The following SGCZ variants were observed in gnomAD, a reference collection of about 807,000 sequenced individuals.
The protein encoded by SGCZ is sarcoglycan zeta, also known as zeta-sarcoglycan.
SGCZ carries 40 observed loss-of-function variants against 41.3 expected under a neutral mutation model. The ratio of observed to expected loss-of-function variants is 0.97; its 90% CI spans 0.75 to 1.26. SGCZ has a LOEUF of 1.26. SGCZ is among the 50% of genes most tolerant of loss of function. The pLI is 0.00. For synonymous variants in SGCZ, 206 were observed against 137.5 expected (o/e 1.50, Z -3.49); for missense variants, 552 against 369.8 (o/e 1.49, Z -4.04).
In SGCZ at chr8:14,405,800, T is replaced by G. The variant is rs148510914; in HGVS notation, c.235-81596A>C. Among the ~76,000 whole-genome samples the G allele has an allele frequency of 3.9e-5, 6 of 152,290 alleles. No individual in the cohort carries two copies. The East Asian group carries it at 1.2e-3, about 29-fold the overall frequency. On this transcript the variant is annotated intron_variant, in intron 2 of 7. Transcript: ENST00000382080. The stretch of plus-strand genomic sequence containing the variant: ...TGGTTAAGTATTAAAGTTGGCAAAT[T>G]AGTTGTTTATAAATACATTAGAACA...
chr8:14,348,074 T>C (rs572836241), intron 2 of SGCZ, among the ~76,000 whole-genome samples: 10 of 152,162 alleles, frequency 6.6e-5, no homozygotes, highest in Admixed American at 6.6e-4. Flanking sequence ...GAGACCCAGC[T>C]GCAGACTTCT....
rs746578000 is a variant in SGCZ, at chr8:14,108,256, G to GCAGT, written c.548-25_548-22dup. On this transcript the variant is annotated intron_variant, in intron 5 of 7. Transcript: ENST00000382080. ...AGTGCCTGGGGGTAGCATGAATATAGCAGTCAGTATAAGCAAGTCCACACA... is the reference window on the plus strand; with the variant it reads ...AGTGCCTGGGGGTAGCATGAATATAGCAGTCAGTCAGTATAAGCAAGTCCACACA... 1.9e-6 allele frequency: 3 copies of GCAGT among 1,611,506 alleles called. No individual in the cohort carries two copies. In the African/African-American group the frequency reaches 4.0e-5, roughly 21 times the overall value.
At position 14,906,079 on chromosome 8, in the gene SGCZ, T is replaced by C. The variant is rs76314297; in HGVS notation, c.39+331506A>G. ...TTGATGCTGATATTGTGCCATTCAC[T>C]GAGATCGACAAAAGGCTGCGTATTT... is the stretch of plus-strand genomic sequence containing the variant. On this transcript the variant is annotated intron_variant, in intron 1 of 7. Transcript: ENST00000382080. Among the ~76,000 whole-genome samples, 49 of 152,232 alleles carry C rather than the reference T, an allele frequency of 3.2e-4. 1 individual carries two copies. The East Asian group carries it at 9.1e-3, about 28-fold the overall frequency.
intron 1 of SGCZ, among the ~76,000 whole-genome samples, chr8:14,820,115 A>G (rs1452632880): frequency 6.6e-6 from 1 of 152,046 alleles, no homozygotes; most frequent in Non-Finnish European, 1.5e-5. Context: ...ATTAGACCTA[A>G]CTATACATAG....
intron 1 of SGCZ, among the ~76,000 whole-genome samples, chr8:14,612,679 G>C (rs912259043): frequency 4.0e-5 from 6 of 151,104 alleles, no homozygotes; most frequent in African/African-American, 1.2e-4. Flanking sequence ...TTGTTTTTTT[G>C]TTTTGTTTTG....
intron 5 of SGCZ, among the ~76,000 whole-genome samples, chr8:14,152,569 A>C (rs1803743809): frequency 6.6e-6 from 1 of 152,196 alleles, no homozygotes; most frequent in African/African-American, 2.4e-5. Context: ...GATGTGAAGA[A>C]ATTGAATTCT....
At chr8:15,191,460 T>G (rs769540281) in intron 1 of SGCZ, among the ~76,000 whole-genome samples, 1 of 152,072 alleles carries the variant, frequency 6.6e-6, no homozygotes, top group Non-Finnish European at 1.5e-5. Flanking sequence ...AAATAGTATT[T>G]AACCCTGAAA....
At chr8:14,317,706 G>C (rs1037319056) in intron 3 of SGCZ, among the ~76,000 whole-genome samples, 3 of 151,910 alleles carry the variant, frequency 2.0e-5, no homozygotes, top group South Asian at 4.1e-4. Flanking sequence ...CAGGCTCCTA[G>C]ATAAGGGGAC....
At chr8:14,388,056 G>A (rs1444067342) in intron 2 of SGCZ, among the ~76,000 whole-genome samples, 2 of 152,056 alleles carry the variant, frequency 1.3e-5, no homozygotes, top group African/African-American at 4.8e-5. Flanking sequence ...TCTTTAGTAG[G>A]AGTAAGATAT....
chr8:14,973,736 A>G (rs1801375706), intron 1 of SGCZ, among the ~76,000 whole-genome samples: 1 of 152,180 alleles, frequency 6.6e-6, no homozygotes, highest in Non-Finnish European at 1.5e-5. Flanking sequence ...GACATTTGAT[A>G]AAGGGTATTT....
chr8:14,927,544 G>C (rs972561700), intron 1 of SGCZ, among the ~76,000 whole-genome samples: 5 of 131,694 alleles, frequency 3.8e-5, no homozygotes, highest in Non-Finnish European at 7.1e-5. Context: ...GGAAGAGGAA[G>C]AAAGAAGAGG....
chr8:14,873,382 G>T (rs1202804533), intron 1 of SGCZ, among the ~76,000 whole-genome samples: 1 of 151,976 alleles, frequency 6.6e-6, no homozygotes, highest in Non-Finnish European at 1.5e-5. Flanking sequence ...CAATTCTATG[G>T]AATTATAGAT....
intron 5 of SGCZ, among the ~76,000 whole-genome samples, chr8:14,114,049 A>T (rs1461469345): frequency 6.6e-6 from 1 of 152,016 alleles, no homozygotes; most frequent in African/African-American, 2.4e-5. Flanking sequence ...TTACTGGTAT[A>T]TATTTCTAAC....
chr8:14,350,080 T>C (rs376876996), intron 2 of SGCZ, among the ~76,000 whole-genome samples: 1 of 152,118 alleles, frequency 6.6e-6, no homozygotes, highest in Admixed American at 6.6e-5. Context: ...AAATGATTGA[T>C]AAAATCCCCT....
chr8:14,415,425 A>C (rs1799468165), intron 2 of SGCZ, among the ~76,000 whole-genome samples: 2 of 151,854 alleles, frequency 1.3e-5, no homozygotes, highest in African/African-American at 4.8e-5. Context: ...ACAAAAAGGG[A>C]ATTAGTGTGA....
At chr8:14,980,224 C>G (rs1801616532) in intron 1 of SGCZ, among the ~76,000 whole-genome samples, 1 of 152,084 alleles carries the variant, frequency 6.6e-6, no homozygotes, top group South Asian at 2.1e-4. Context: ...CCTGACTGTG[C>G]TCTTTCCCTG....
At chr8:14,724,636 CAA>C (rs1809994146) in intron 1 of SGCZ, among the ~76,000 whole-genome samples, 1 of 150,834 alleles carries the variant, frequency 6.6e-6, no homozygotes, top group Non-Finnish European at 1.5e-5. Context: ...AAAATAAGAC[CAA>C]GCGTTTCTCT....
chr8:14,302,503 C>T (rs1801228983), intron 3 of SGCZ, among the ~76,000 whole-genome samples: 1 of 151,994 alleles, frequency 6.6e-6, no homozygotes, highest in Admixed American at 6.6e-5. Flanking sequence ...CATCTTCCTC[C>T]TCCCAGAACA....
intron 1 of SGCZ, among the ~76,000 whole-genome samples, chr8:14,614,990 G>T (rs1032905754): frequency 8.1e-6 from 1 of 122,808 alleles, no homozygotes; most frequent in Non-Finnish European, 1.8e-5. Context: ...ACATATGTGT[G>T]TGTATATATG....
Sources: gnomAD v4.1 joint callset for allele counts (sites outside exome capture counted in the v4.1 genomes callset) on GRCh38, gnomAD v4.1.1 for gene constraint, MANE v1.5 for transcripts, NCBI Gene and HGNC (gene_info 2026-07-23, HGNC 2026-07-21) for gene names.